COL1A2: variants seen among roughly 807,000 people sequenced by gnomAD.
COL1A2 encodes collagen type I alpha 2 chain.
In COL1A2, 49 loss-of-function variants were observed where a neutral mutation model predicts 174.3. The ratio of observed to expected loss-of-function variants is 0.28; its 90% CI spans 0.22 to 0.36. The LOEUF (loss-of-function observed/expected upper bound fraction) is 0.36. Ranked by LOEUF, COL1A2 falls within the 10% of genes least tolerant of loss-of-function variation. The pLI is 1.00. For synonymous variants in COL1A2, 655 were observed against 606.6 expected (o/e 1.08, Z -1.17); for missense variants, 1,438 against 1,822.7 (o/e 0.79, Z 3.84).
At position 94,412,101 on chromosome 7, in the gene COL1A2, G is replaced by T. The variant is rs562290953; in HGVS notation, c.1384G>T (p.Ala462Ser). ...LPGSPGNIGP[A>S]GKEGPVGLPG... ...TGGTTCCCCTGGAAATATCGGCCCC[G>T]CTGGAAAAGAAGGTCCTGTCGTAAG... The change falls in exon 24 of 52, where the codon GCT (alanine) becomes TCT (serine). Residue 462 changes from alanine (A) to serine (S), a missense_variant. Transcript: ENST00000297268. 2.5e-6 allele frequency: 4 copies of T among 1,612,612 alleles called. No individual in the cohort carries two copies. The South Asian group carries it at 3.3e-5, about 13-fold the overall frequency.
intron 15 of COL1A2, 109 bp downstream of exon 15, chr7:94,408,489 GT>G (rs1791851810): frequency 7.6e-7 from 1 of 1,323,098 alleles, no homozygotes; most frequent in Admixed American, 1.7e-5. Context: ...TTTACCAAAT[GT>G]TCTGTGAGGT....
chr7:94,404,982 A>G, intron 9 of COL1A2, 90 bp downstream of exon 9: 1 of 1,451,876 alleles, frequency 6.9e-7, no homozygotes, highest in Non-Finnish European at 9.6e-7. Flanking sequence ...GTATTCTGCC[A>G]AAAGCTGAAT....
intron 41 of COL1A2, 197 bp from the exon 42 acceptor site, chr7:94,424,920 A>C (rs1167311839): frequency 3.2e-6 from 2 of 618,888 alleles, no homozygotes; most frequent in East Asian, 5.7e-5. Context: ...CCGTGATTAC[A>C]TAAAGCTGGC....
At chr7:94,410,638 T>G (rs766415873) in intron 21 of COL1A2, 111 bp downstream of exon 21, 2 of 1,001,230 alleles carry the variant, frequency 2.0e-6, no homozygotes, top group Non-Finnish European at 3.1e-6. Context: ...AAAAAAAGCA[T>G]CTGCTTTCCA....
At chr7:94,425,066 A>G (rs771719471) in intron 41 of COL1A2, 51 bp from the exon 42 acceptor site, 8 of 1,524,094 alleles carry the variant, frequency 5.2e-6, no homozygotes, top group Non-Finnish European at 7.3e-6. Flanking sequence ...GGGGAAGGTT[A>G]GCATTCCATC....
chr7:94,408,130 G>T, intron 13 of COL1A2, 53 bp from the exon 14 acceptor site: 1 of 1,585,426 alleles, frequency 6.3e-7, no homozygotes, highest in South Asian at 1.1e-5. Flanking sequence ...TGATGCCTGT[G>T]ACTTTTTTTA....
chr7:94,404,822 G>T lies in COL1A2; in HGVS notation c.379-17G>T. On this transcript the variant is annotated splice_polypyrimidine_tract_variant and intron_variant, in intron 8 of 51. Coordinates refer to ENST00000297268, the MANE Select transcript of COL1A2 (RefSeq NM_000089.4). ...GAATATAACCTTAGTGAAATGATGG[G>T]TCTCCCATTTTCTTAGGGTCCTGCA... 1 of 1,614,040 alleles carries T rather than the reference G, an allele frequency of 6.2e-7. No homozygotes were observed.
intron 25 of COL1A2, 34 bp from the exon 26 acceptor site, chr7:94,413,049 C>A: frequency 6.2e-7 from 1 of 1,602,830 alleles, no homozygotes; most frequent in Non-Finnish European, 8.5e-7. Flanking sequence ...ATGTGCAAAG[C>A]TGTTCTTTGT....
chr7:94,408,293 T>G (rs540652924), intron 14 of COL1A2, 43 bp from the exon 15 acceptor site: 1 of 1,613,878 alleles, frequency 6.2e-7, no homozygotes. Flanking sequence ...CTAATGGCTG[T>G]CATTTAAGTT....
chr7:94,429,128 T>TTTAC, intron 50 of COL1A2, 60 bp from the exon 51 acceptor site: 1 of 1,345,532 alleles, frequency 7.4e-7, no homozygotes, highest in Non-Finnish European at 1.0e-6. Context: ...TTTTTCATGT[T>TTTAC]TGACTCTTAG....
At chr7:94,425,719 T>C (rs1170604277) in intron 43 of COL1A2, 31 bp from the exon 44 acceptor site, 19 of 1,613,996 alleles carry the variant, frequency 1.2e-5, no homozygotes, top group Non-Finnish European at 1.4e-5. Flanking sequence ...GCAACCCAGA[T>C]TGATGCTAAG....
At chr7:94,408,647 T>G (rs1008080815) in intron 15 of COL1A2, 123 bp from the exon 16 acceptor site, 22 of 1,117,750 alleles carry the variant, frequency 2.0e-5, no homozygotes, top group Non-Finnish European at 2.9e-5. Context: ...TGGTTGTCAG[T>G]TTTTTTCTTT....
At position 94,426,322 on chromosome 7, in the gene COL1A2, T is replaced by C. The variant is rs566618300; in HGVS notation, c.2998-101T>C. 4.0e-5 allele frequency: 45 copies of C among 1,117,246 alleles called. No individual in the cohort carries two copies. The African/African-American group carries it at 6.0e-4, about 15-fold the overall frequency. 69.2% of individuals were successfully genotyped at this position (1,117,246 alleles called of 1,614,324 possible). ...GAGAGCCTAGCTAAACCATTACATG[T>C]CCTGAGTTACCTTTGTAAACGAATT... On this transcript the variant is annotated intron_variant, in intron 45 of 51. Coordinates refer to ENST00000297268, the MANE Select transcript of COL1A2 (RefSeq NM_000089.4).
At position 94,408,396 on chromosome 7, in the gene COL1A2, G is replaced by T. The variant is rs1395864920; in HGVS notation, c.738+16G>T. On this transcript the variant is annotated intron_variant, in intron 15 of 51. Transcript: ENST00000297268. ...GGGTCCTGCTGTAAGTTTTGACACTGGGGAGTTTGAAAGGAGTTGAGAATG... is the reference window on the plus strand; with the variant it reads ...GGGTCCTGCTGTAAGTTTTGACACTTGGGAGTTTGAAAGGAGTTGAGAATG... The T allele has an allele frequency of 6.2e-7, 1 of 1,613,946 alleles. No homozygotes were observed. The highest frequency in any genetic ancestry group is 8.5e-7 in the Non-Finnish European group (1 of 1,179,856).
At chr7:94,427,500 G>A (rs1792303338) in intron 48 of COL1A2, 127 bp from the exon 49 acceptor site, 21 of 1,254,212 alleles carry the variant, frequency 1.7e-5, no homozygotes, top group Non-Finnish European at 2.2e-5. Flanking sequence ...TTATTTATGT[G>A]AACTTGATTA....
rs984345878 is a variant in COL1A2 at position 94,410,873 on chromosome 7, A to T, written c.1198-16A>T. 2 of 1,612,844 alleles carry T rather than the reference A, an allele frequency of 1.2e-6. No homozygotes were observed. The highest frequency in any genetic ancestry group is 2.7e-5 in the African/African-American group (2 of 74,806). On this transcript the variant is annotated splice_polypyrimidine_tract_variant and intron_variant, in intron 21 of 51. Transcript: ENST00000297268. ...AGATTTCTTTAATTCTCTCTATTTC[A>T]TGTACTTTCTTGCAGGGTAGTCCTG...
At chr7:94,412,142 A>G in intron 24 of COL1A2, 21 bp downstream of exon 24, 1 of 1,606,922 alleles carries the variant, frequency 6.2e-7, no homozygotes, top group South Asian at 1.1e-5. Context: ...CTCATTTTCC[A>G]TTATATTTTC....
intron 2 of COL1A2, 65 bp downstream of exon 2, chr7:94,397,823 C>A: frequency 2.2e-6 from 2 of 929,284 alleles, no homozygotes; most frequent in Admixed American, 2.1e-5. Flanking sequence ...GTGATGTCTT[C>A]TCTTGGAAGG....
chr7:94,414,320 A>G, intron 29 of COL1A2, 45 bp downstream of exon 29: 1 of 1,548,958 alleles, frequency 6.5e-7, no homozygotes, highest in Non-Finnish European at 8.9e-7. Context: ...TAAACTTGAG[A>G]ATTTCCCCCT....
Sources: gnomAD v4.1 joint callset for allele counts on GRCh38, gnomAD v4.1.1 for gene constraint, MANE v1.5 for transcripts, NCBI Gene and HGNC (gene_info 2026-07-23, HGNC 2026-07-21) for gene names.